The following NKX1-2 variants were observed in gnomAD, a reference collection of about 807,000 sequenced individuals.
NKX1-2 encodes the protein NK1 transcription factor-related protein 2.
NKX1-2 carries 1 observed loss-of-function variant against 4.4 expected under a neutral mutation model. The ratio of observed to expected loss-of-function variants is 0.23; its 90% CI spans 0.08 to 1.08. The LOEUF (loss-of-function observed/expected upper bound fraction) is 1.08. Among genes scored for constraint, NKX1-2 ranks in the 50% least tolerant of loss-of-function variants. NKX1-2 has a pLI of 0.55. For missense variants in NKX1-2, 503 were observed against 464.6 expected (o/e 1.08, Z -0.76); for synonymous variants, 235 against 228.0 (o/e 1.03, Z -0.28).
Position 124,447,672 on chromosome 10 carries a change from C to T in NKX1-2, c.690G>A (p.Gln230=). ...CTGGCTGGGGCGCGCCACCCCCCAC[C>T]TGCGCCGCGCCGTCGGCACCCGGGT... ...KQNPGADGAA[Q]VGGGAPQPGA... The change falls in exon 2 of 2, where the codon CAG becomes CAA. Residue 230 remains glutamine (Q), a synonymous_variant. Transcript: ENST00000451024. 2.9e-6 allele frequency: 4 copies of T among 1,395,018 alleles called. No individual in the cohort carries two copies. The highest frequency in any genetic ancestry group is 3.8e-6 in the Non-Finnish European group (4 of 1,063,236). The allele number at this position is 1,395,018 out of a possible 1,614,324, so 86.4% of individuals were successfully genotyped here.
chr10:124,447,633 G>GCCC lies in NKX1-2; in HGVS notation c.726_728dup (p.Gly248dup). ...TGCCCCCCGAGCCGCCGCCGCCGCC[G>GCCC]CCCCCCGCCGCCCCTGGCTGGGGCG... is the stretch of plus-strand genomic sequence containing the variant. On this transcript the variant is annotated inframe_insertion, in exon 2 of 2. Coordinates refer to ENST00000451024, the MANE Select transcript of NKX1-2 (RefSeq NM_001146340.3). 1 of 1,280,884 alleles carries GCCC rather than the reference G, an allele frequency of 7.8e-7. No homozygotes were observed. The highest frequency in any genetic ancestry group is 9.9e-7 in the Non-Finnish European group (1 of 1,014,490). The allele number at this position is 1,280,884 out of a possible 1,614,324, so 79.3% of individuals were successfully genotyped here. A position where few individuals can be genotyped will look rare whatever the true frequency, so the allele number is the denominator to read the frequency against.
chr10:124,449,392 G>C lies in NKX1-2; in HGVS notation c.214+338C>G, dbSNP rs1382941158. Reference sequence around the variant, plus strand: ...CACCTTTATCCCAGCCCTTAGCCCAGGTCCTAGCACGTGGCAAGCGCATTA... The same window carrying C: ...CACCTTTATCCCAGCCCTTAGCCCACGTCCTAGCACGTGGCAAGCGCATTA... On this transcript the variant is annotated intron_variant, in intron 1 of 1. Transcript: ENST00000451024. The surrounding 1 kb of genome is among the most constrained non-coding windows in gnomAD (Gnocchi z 7.5). The C allele has an allele frequency of 7.0e-6, 4 of 568,146 alleles. No individual in the cohort carries two copies. In the East Asian group the frequency reaches 1.7e-4, roughly 23 times the overall value. The allele number at this position is 568,146 out of a possible 1,614,324, so 35.2% of individuals were successfully genotyped here. A position where few individuals can be genotyped will look rare whatever the true frequency, so the allele number is the denominator to read the frequency against.
In NKX1-2 at chr10:124,448,213, T is replaced by C; in HGVS notation, c.215-66A>G. 2.9e-6 allele frequency: 4 copies of C among 1,367,400 alleles called. No individual in the cohort carries two copies. Among genetic ancestry groups the C allele is most frequent in the South Asian group, 1.7e-5 (1 of 59,348 alleles). The allele number at this position is 1,367,400 out of a possible 1,614,324, so 84.7% of individuals were successfully genotyped here. On this transcript the variant is annotated intron_variant, in intron 1 of 1. Coordinates refer to ENST00000451024, the MANE Select transcript of NKX1-2 (RefSeq NM_001146340.3). This position sits in a 1 kb window ranked among gnomAD's most constrained non-coding sequence, Gnocchi z 4.1. ...CCCCAAACCTCGTCCTCGTCCTCCC[T>C]AGAGCAAGCAGCTGTCCCCCCAACC... is the stretch of plus-strand genomic sequence containing the variant.
In NKX1-2 at chr10:124,447,464, A is replaced by G; in HGVS notation, c.898T>C (p.Ser300Pro). ...GSPFAPFLGP[S>P]YLTPFYAPRL ...GGGGCGTAGAAGGGGGTCAGGTAGG[A>G]AGGCCCAAGGAACGGCGCGAAAGGG... Residue 300 changes from serine to proline, a missense_variant, in exon 2 of 2, where the codon TCC becomes CCC. Physicochemically the swap from Ser to Pro is moderately conservative, Grantham distance 74. Coordinates refer to ENST00000451024, the MANE Select transcript of NKX1-2 (RefSeq NM_001146340.3). 7.9e-7 allele frequency: 1 copy of G among 1,263,222 alleles called. No individual in the cohort carries two copies. Among genetic ancestry groups the G allele is most frequent in the South Asian group, 3.8e-5 (1 of 26,286 alleles). 78.3% of individuals were successfully genotyped at this position (1,263,222 alleles called of 1,614,324 possible). A position where few individuals can be genotyped will look rare whatever the true frequency, so the allele number is the denominator to read the frequency against.
Position 124,447,885 on chromosome 10 carries a change from G to C in NKX1-2, c.477C>G (p.Asn159Lys), listed in dbSNP as rs959904239. Residue 159 changes from asparagine (N) to lysine (K), a missense_variant, in exon 2 of 2, where the codon AAC (asparagine) becomes AAG (lysine). Transcript: ENST00000451024. ...PRPRRRRLEPNCAKPRRARTA... is the reference protein window; with the variant it reads ...PRPRRRRLEPKCAKPRRARTA... ...TGCGCGCGCGCCGCGGCTTGGCGCA[G>C]TTGGGCTCCAGGCGCCGGCGCCTGG... 6.9e-7 allele frequency: 1 copy of C among 1,441,924 alleles called. No individual in the cohort carries two copies. The highest frequency in any genetic ancestry group is 2.8e-5 in the Admixed American group (1 of 36,290). 89.3% of individuals were successfully genotyped at this position (1,441,924 alleles called of 1,614,324 possible). A position where few individuals can be genotyped will look rare whatever the true frequency, so the allele number is the denominator to read the frequency against.
chr10:124,448,075 T>C lies in NKX1-2; in HGVS notation c.287A>G (p.Glu96Gly). The C allele has an allele frequency of 2.6e-6, 4 of 1,522,540 alleles. No individual in the cohort carries two copies. Among genetic ancestry groups the C allele is most frequent in the Non-Finnish European group, 3.5e-6 (4 of 1,140,288 alleles). 94.3% of individuals were successfully genotyped at this position (1,522,540 alleles called of 1,614,324 possible). A position where few individuals can be genotyped will look rare whatever the true frequency, so the allele number is the denominator to read the frequency against. ...GSEAEEEEDA[E>G]DPRRPRLRER... ...CCGCAGCCGCGGCCTCCTCGGATCC[T>C]CCGCATCCTCCTCCTCTTCCGCCTC... is the stretch of plus-strand genomic sequence containing the variant. The change falls in exon 2 of 2, where the codon GAG becomes GGG. Residue 96 changes from glutamate (E) to glycine (G), a missense_variant. Coordinates refer to ENST00000451024, the MANE Select transcript of NKX1-2 (RefSeq NM_001146340.3). The surrounding 1 kb of genome is among the most constrained non-coding windows in gnomAD (Gnocchi z 4.1).
rs1325353126 is a variant in NKX1-2, at chr10:124,447,140, G to A, written c.*289C>T. 3.4e-6 allele frequency: 1 copy of A among 294,714 alleles called. No individual in the cohort carries two copies. Among genetic ancestry groups the A allele is most frequent in the Non-Finnish European group, 6.2e-6 (1 of 160,362 alleles). The allele number at this position is 294,714 out of a possible 1,614,324, so 18.3% of individuals were successfully genotyped here. On this transcript the variant is annotated 3_prime_UTR_variant, in exon 2 of 2. Transcript: ENST00000451024. ...CTCCTGGCATCTTGGTTAGCCCCGCGCCGAACACCCAGACCCTCAAAAACT... is the reference window on the plus strand; with the variant it reads ...CTCCTGGCATCTTGGTTAGCCCCGCACCGAACACCCAGACCCTCAAAAACT...
At position 124,447,405 on chromosome 10, in the gene NKX1-2, AAG is replaced by A. The variant is rs1455235215; in HGVS notation, c.*22_*23del. ...TGCCAATCCCTCGTGAATCCCGCGA[AAG>A]AGGGGCCAGGGGGCTCCGGATTCAT... On this transcript the variant is annotated 3_prime_UTR_variant, in exon 2 of 2. Transcript: ENST00000451024. The A allele has an allele frequency of 3.2e-6, 4 of 1,242,896 alleles. No homozygotes were observed. In the African/African-American group the frequency reaches 4.7e-5, roughly 15 times the overall value. 77.0% of individuals were successfully genotyped at this position (1,242,896 alleles called of 1,614,324 possible).
rs1458421902 is a variant in NKX1-2 at position 124,449,452 on chromosome 10, G to A, written c.214+278C>T. On this transcript the variant is annotated intron_variant, in intron 1 of 1. Coordinates refer to ENST00000451024, the MANE Select transcript of NKX1-2 (RefSeq NM_001146340.3). The surrounding 1 kb of genome is among the most constrained non-coding windows in gnomAD (Gnocchi z 7.5). The stretch of plus-strand genomic sequence containing the variant: ...TAAATGAGTAAGCCTGGCAAGACAG[G>A]CGCCAGGTAAGTTTCCACCGCGAGC... 1.5e-6 allele frequency: 1 copy of A among 676,608 alleles called. No homozygotes were observed. The highest frequency in any genetic ancestry group is 2.7e-6 in the Non-Finnish European group (1 of 368,612). The allele number at this position is 676,608 out of a possible 1,614,324, so 41.9% of individuals were successfully genotyped here. A position where few individuals can be genotyped will look rare whatever the true frequency, so the allele number is the denominator to read the frequency against.
chr10:124,447,411 G>T lies in NKX1-2; in HGVS notation c.*18C>A. 11 of 1,243,774 alleles carry T rather than the reference G, an allele frequency of 8.8e-6. No homozygotes were observed. Among genetic ancestry groups the T allele is most frequent in the African/African-American group, 1.6e-5 (1 of 64,372 alleles). 77.0% of individuals were successfully genotyped at this position (1,243,774 alleles called of 1,614,324 possible). On this transcript the variant is annotated 3_prime_UTR_variant, in exon 2 of 2. Coordinates refer to ENST00000451024, the MANE Select transcript of NKX1-2 (RefSeq NM_001146340.3). The stretch of plus-strand genomic sequence containing the variant: ...TCCCTCGTGAATCCCGCGAAAGAGG[G>T]GCCAGGGGGCTCCGGATTCATAGAC...
rs1241619898 is a variant in NKX1-2 at position 124,449,546 on chromosome 10, G to A, written c.214+184C>T. On this transcript the variant is annotated intron_variant, in intron 1 of 1. Transcript: ENST00000451024. This position sits in a 1 kb window ranked among gnomAD's most constrained non-coding sequence, Gnocchi z 7.5. ...GCGGCAAATCCCTGCCCTGTAATGC[G>A]GGGAGCCTCCTCTCTGCCTCTATCC... is the stretch of plus-strand genomic sequence containing the variant. 5 of 702,284 alleles carry A rather than the reference G, an allele frequency of 7.1e-6. No individual in the cohort carries two copies. Among genetic ancestry groups the A allele is most frequent in the South Asian group, 3.0e-5 (2 of 66,770 alleles). 43.5% of individuals were successfully genotyped at this position (702,284 alleles called of 1,614,324 possible).
At position 124,447,639 on chromosome 10, in the gene NKX1-2, C is replaced by T; in HGVS notation, c.723G>A (p.Ala241=). Reference sequence around the variant, plus strand: ...CCGAGCCGCCGCCGCCGCCGCCCCCCGCCGCCCCTGGCTGGGGCGCGCCAC... The same window carrying T: ...CCGAGCCGCCGCCGCCGCCGCCCCCTGCCGCCCCTGGCTGGGGCGCGCCAC... ...VGGGAPQPGA[A]GGGGGGGSGG... The change falls in exon 2 of 2, where the codon GCG becomes GCA. Residue 241 remains alanine (A), a synonymous_variant. Transcript: ENST00000451024. 1.5e-6 allele frequency: 2 copies of T among 1,298,170 alleles called. No individual in the cohort carries two copies. Among genetic ancestry groups the T allele is most frequent in the East Asian group, 3.1e-5 (1 of 32,130 alleles). 80.4% of individuals were successfully genotyped at this position (1,298,170 alleles called of 1,614,324 possible).
rs75530062 is a variant in NKX1-2, at chr10:124,448,531, A to G, written c.215-384T>C. On this transcript the variant is annotated intron_variant, in intron 1 of 1. Transcript: ENST00000451024. The surrounding 1 kb of genome is among the most constrained non-coding windows in gnomAD (Gnocchi z 4.1). ...CCCTAGAAGCCTATTTTGATCTAGG[A>G]CTCCCAGCAATTAAAAAAGAAGTTA... 0.03 allele frequency: 4,961 copies of G among 166,238 alleles called. 119 individuals carry two copies. The highest frequency in any genetic ancestry group is 0.076 in the South Asian group (372 of 4,906). 10.3% of individuals were successfully genotyped at this position (166,238 alleles called of 1,614,324 possible).
In NKX1-2 at chr10:124,450,015, G is replaced by T; in HGVS notation, c.-72C>A. 8.2e-7 allele frequency: 1 copy of T among 1,214,252 alleles called. No individual in the cohort carries two copies. The highest frequency in any genetic ancestry group is 1.1e-6 in the Non-Finnish European group (1 of 904,804). 75.2% of individuals were successfully genotyped at this position (1,214,252 alleles called of 1,614,324 possible). A position where few individuals can be genotyped will look rare whatever the true frequency, so the allele number is the denominator to read the frequency against. On this transcript the variant is annotated 5_prime_UTR_variant, in exon 1 of 2. Transcript: ENST00000451024. ...GCGCCGCTCGGGCTTGCCTTCGGCT[G>T]TGGCTTGGCGGTAGCTTTCCAGCCA...
In NKX1-2 at chr10:124,447,795, T is replaced by G; in HGVS notation, c.567A>C (p.Ser189=). 6.7e-7 allele frequency: 1 copy of G among 1,481,866 alleles called. No homozygotes were observed. Among genetic ancestry groups the G allele is most frequent in the Non-Finnish European group, 9.0e-7 (1 of 1,109,898 alleles). The allele number at this position is 1,481,866 out of a possible 1,614,324, so 91.8% of individuals were successfully genotyped here. A position where few individuals can be genotyped will look rare whatever the true frequency, so the allele number is the denominator to read the frequency against. The change falls in exon 2 of 2, where the codon TCA becomes TCC. Residue 189 remains serine (S), a synonymous_variant. Coordinates refer to ENST00000451024, the MANE Select transcript of NKX1-2 (RefSeq NM_001146340.3). ...GCGCGAGGTTCAGGCGCTCGCACACTGACAGGTAGCGCGTGGCCCGGAACT... is the reference window on the plus strand; with the variant it reads ...GCGCGAGGTTCAGGCGCTCGCACACGGACAGGTAGCGCGTGGCCCGGAACT... The part of the protein sequence containing the change: ...ENKFRATRYL[S]VCERLNLALS...
rs1382047885 is a variant in NKX1-2 at position 124,448,281 on chromosome 10, A to T, written c.215-134T>A. On this transcript the variant is annotated intron_variant, in intron 1 of 1. Coordinates refer to ENST00000451024, the MANE Select transcript of NKX1-2 (RefSeq NM_001146340.3). This position sits in a 1 kb window ranked among gnomAD's most constrained non-coding sequence, Gnocchi z 4.1. ...CCTGTCCCCACATCGCGCTCCCCTT[A>T]GGCCGGACTACACATCCTCGCCAGC... 3.1e-6 allele frequency: 4 copies of T among 1,283,414 alleles called. No homozygotes were observed. In the East Asian group the frequency reaches 1.3e-4, roughly 40 times the overall value. 79.5% of individuals were successfully genotyped at this position (1,283,414 alleles called of 1,614,324 possible).
In NKX1-2 at chr10:124,449,236, C is replaced by T. The variant is rs550645005; in HGVS notation, c.214+494G>A. Among the ~76,000 whole-genome samples the T allele has an allele frequency of 1.3e-5, 2 of 152,344 alleles. No individual in the cohort carries two copies. The highest frequency in any genetic ancestry group is 2.9e-5 in the Non-Finnish European group (2 of 68,032). ...GCCTGGGGCAGCCCAGCCCCGCAGG[C>T]GTCTCCGGGTGGCACCTGACCTCGC... On this transcript the variant is annotated intron_variant, in intron 1 of 1. Coordinates refer to ENST00000451024, the MANE Select transcript of NKX1-2 (RefSeq NM_001146340.3). The surrounding 1 kb of genome is among the most constrained non-coding windows in gnomAD (Gnocchi z 7.5).
rs1004609472 is a variant in NKX1-2 at position 124,449,847 on chromosome 10, G to T, written c.97C>A (p.Arg33Ser). 77 of 1,551,552 alleles carry T rather than the reference G, an allele frequency of 5.0e-5. No homozygotes were observed. Among genetic ancestry groups the T allele is most frequent in the Non-Finnish European group, 6.5e-5 (75 of 1,146,960 alleles). Reference protein sequence around the residue: ...LDILDPQKFTRAALPAVRPAP... With the variant: ...LDILDPQKFTSAALPAVRPAP... ...GGGCGCACGGCAGGGAGCGCTGCGC[G>T]GGTGAATTTCTGTGGGTCCAGGATG... is the stretch of plus-strand genomic sequence containing the variant. The change falls in exon 1 of 2, where the codon CGC becomes AGC. Residue 33 changes from arginine to serine, a missense_variant. Arg to Ser is a moderately radical substitution (Grantham distance 110). Coordinates refer to ENST00000451024, the MANE Select transcript of NKX1-2 (RefSeq NM_001146340.3). This position sits in a 1 kb window ranked among gnomAD's most constrained non-coding sequence, Gnocchi z 7.5.
Position 124,448,116 on chromosome 10 carries a change from G to C in NKX1-2, c.246C>G (p.Ser82=). 2 of 1,504,126 alleles carry C rather than the reference G, an allele frequency of 1.3e-6. No homozygotes were observed. Among genetic ancestry groups the C allele is most frequent in the Middle Eastern group, 1.8e-4 (1 of 5,636 alleles). The allele number at this position is 1,504,126 out of a possible 1,614,324, so 93.2% of individuals were successfully genotyped here. The part of the protein sequence containing the change: ...DAAGPGAGQA[S]PLEGSEAEEE... ...CTTCCGCCTCGGAACCCTCCAGGGG[G>C]GACGCCTGGCCGGCGCCTGGGCCCG... Residue 82 remains serine, a synonymous_variant, in exon 2 of 2, where the codon TCC becomes TCG. Transcript: ENST00000451024. This position sits in a 1 kb window ranked among gnomAD's most constrained non-coding sequence, Gnocchi z 4.1.
Sources: allele counts gnomAD v4.1 joint callset (sites outside exome capture counted in the v4.1 genomes callset), GRCh38; gene constraint gnomAD v4.1.1; non-coding constraint Gnocchi (gnomAD v3.1); transcripts MANE v1.5; gene names NCBI Gene and HGNC (gene_info 2026-07-23, HGNC 2026-07-21).